PDE7B: variants seen among roughly 807,000 people sequenced by gnomAD.
PDE7B encodes the protein 3',5'-cyclic-AMP phosphodiesterase 7B.
Under a neutral mutation model 56.2 loss-of-function variants are expected in PDE7B, and 29 were observed. The observed-to-expected ratio is 0.52, with a 90% CI of 0.38 to 0.70. The LOEUF (loss-of-function observed/expected upper bound fraction) is 0.70, where lower values mean the gene tolerates loss of function less well. PDE7B is among the 30% of genes least tolerant of loss of function. The pLI is 0.00. For synonymous variants in PDE7B, 197 were observed against 196.9 expected, an observed-to-expected ratio of 1.00 and a Z score of 0.00; for missense variants, 490 against 565.0, an observed-to-expected ratio of 0.87 and a Z score of 1.35.
chr6:135,942,911 A>G (rs1774531076), intron 1 of PDE7B, among the ~76,000 whole-genome samples: 2 of 152,090 alleles, frequency 1.3e-5, no homozygotes, highest in Admixed American at 6.6e-5. Flanking sequence ...TCAACTGTTG[A>G]TGAACACTCA....
intron 6 of PDE7B, among the ~76,000 whole-genome samples, chr6:136,151,689 C>A (rs1027351610): frequency 5.6e-5 from 5 of 89,472 alleles, no homozygotes; most frequent in African/African-American, 1.9e-4. Context: ...TACAGGGAAT[C>A]CTAGCACTTT....
chr6:135,965,944 G>T (rs1464262474), intron 2 of PDE7B, among the ~76,000 whole-genome samples: 1 of 152,050 alleles, frequency 6.6e-6, no homozygotes, highest in East Asian at 1.9e-4. Flanking sequence ...TAAAATACTG[G>T]ATATCTTAGG....
intron 3 of PDE7B, among the ~76,000 whole-genome samples, chr6:136,128,143 G>A (rs1778052382): frequency 6.6e-6 from 1 of 152,124 alleles, no homozygotes; most frequent in African/African-American, 2.4e-5. Flanking sequence ...CTAGGGCCTG[G>A]CATTTTGAGA....
At chr6:136,155,168 G>A (rs868673091) in intron 7 of PDE7B, among the ~76,000 whole-genome samples, 12 of 152,000 alleles carry the variant, frequency 7.9e-5, no homozygotes, top group Admixed American at 2.6e-4. Flanking sequence ...CTTGCAAGTC[G>A]GCCCACTTCT....
chr6:136,112,816 C>A (rs925596698), intron 3 of PDE7B, among the ~76,000 whole-genome samples: 1 of 152,138 alleles, frequency 6.6e-6, no homozygotes, highest in Non-Finnish European at 1.5e-5. Flanking sequence ...AGGGGAAGCA[C>A]ATGTTTGGGG....
intron 8 of PDE7B, among the ~76,000 whole-genome samples, chr6:136,171,641 TTTA>T (rs1400869132): frequency 2.6e-5 from 4 of 152,010 alleles, no homozygotes; most frequent in South Asian, 2.1e-4. Flanking sequence ...TCACTTTTTT[TTTA>T]TTATTATTAT....
chr6:136,080,142 C>G (rs1484071416), intron 2 of PDE7B, among the ~76,000 whole-genome samples: 5 of 152,154 alleles, frequency 3.3e-5, no homozygotes, highest in African/African-American at 9.7e-5. Context: ...ACCCTCTCCC[C>G]CTTTTGGGTT....
intron 8 of PDE7B, among the ~76,000 whole-genome samples, chr6:136,166,169 C>T (rs1778789466): frequency 1.3e-5 from 2 of 152,192 alleles, no homozygotes; most frequent in South Asian, 2.1e-4. Flanking sequence ...ACACTGAACT[C>T]TACACCTGCT....
intron 11 of PDE7B, among the ~76,000 whole-genome samples, chr6:136,185,752 AAG>A (rs756741843): frequency 2.0e-5 from 3 of 151,804 alleles, no homozygotes; most frequent in Non-Finnish European, 4.4e-5. Context: ...GTGACAGAGT[AAG>A]AGCCTGCCTC....
At chr6:135,970,806 CTG>C (rs1042307978) in intron 2 of PDE7B, among the ~76,000 whole-genome samples, 3 of 152,078 alleles carry the variant, frequency 2.0e-5, no homozygotes, top group Non-Finnish European at 4.4e-5. Context: ...CCTAGGGAGA[CTG>C]TAGTGGGGCA....
At chr6:135,974,534 T>C (rs1008384570) in intron 2 of PDE7B, among the ~76,000 whole-genome samples, 2 of 152,118 alleles carry the variant, frequency 1.3e-5, no homozygotes, top group Non-Finnish European at 2.9e-5. Flanking sequence ...GAAAAGAAAG[T>C]AAATGATTTC....
rs1452367706 is a variant in PDE7B, at chr6:136,112,534, A to T, written c.166+3720A>T. ...GAACAAGGTTGCCAATCCTTAACTT[A>T]GATTTTTTTAAACAGATTTAAGAGA... On this transcript the variant is annotated intron_variant, in intron 3 of 12. Coordinates refer to ENST00000308191, the MANE Select transcript of PDE7B (RefSeq NM_018945.4). 2.6e-5 allele frequency: 4 copies of T among 152,272 alleles called. No individual in the cohort carries two copies. The South Asian group carries it at 6.2e-4, about 24-fold the overall frequency. 9.4% of individuals were successfully genotyped at this position (152,272 alleles called of 1,614,324 possible).
chr6:136,188,980 A>G (rs1336768804), intron 12 of PDE7B, among the ~76,000 whole-genome samples: 2 of 152,120 alleles, frequency 1.3e-5, no homozygotes, highest in Non-Finnish European at 2.9e-5. Context: ...GAAAAATCCA[A>G]AGAGATAAAT....
At chr6:135,893,807 A>T (rs1230891506) in intron 1 of PDE7B, among the ~76,000 whole-genome samples, 4 of 152,218 alleles carry the variant, frequency 2.6e-5, no homozygotes, top group Admixed American at 2.6e-4. Flanking sequence ...ATTAATAATG[A>T]CAATATCTTC....
chr6:136,155,786 A>G, intron 8 of PDE7B, 28 bp downstream of exon 8: 1 of 1,612,470 alleles, frequency 6.2e-7, no homozygotes, highest in East Asian at 2.2e-5. Context: ...GGAGCCAGCC[A>G]CAGTATGGTC....
At position 136,193,701 on chromosome 6, in the gene PDE7B, C is replaced by G. The variant is rs1274317530; in HGVS notation, c.*1861C>G. ...CATGCTGATAGAATGACAGCTAGCA[C>G]TTATTTCCTAAGTGCAACTGTTTTA... is the stretch of plus-strand genomic sequence containing the variant. On this transcript the variant is annotated 3_prime_UTR_variant, in exon 13 of 13. Transcript: ENST00000308191. 1 of 152,214 alleles carries G rather than the reference C, an allele frequency of 6.6e-6. No individual in the cohort carries two copies. Among genetic ancestry groups the G allele is most frequent in the Non-Finnish European group, 1.5e-5 (1 of 68,050 alleles). 9.4% of individuals were successfully genotyped at this position (152,214 alleles called of 1,614,324 possible). A position where few individuals can be genotyped will look rare whatever the true frequency, so the allele number is the denominator to read the frequency against.
At chr6:135,884,570 A>C (rs1775668098) in intron 1 of PDE7B, among the ~76,000 whole-genome samples, 1 of 152,152 alleles carries the variant, frequency 6.6e-6, no homozygotes, top group African/African-American at 2.4e-5. Context: ...CATCCTGTAC[A>C]CCAAATCCCA....
intron 2 of PDE7B, among the ~76,000 whole-genome samples, chr6:136,098,858 G>C (rs1485559388): frequency 6.6e-6 from 1 of 151,732 alleles, no homozygotes; most frequent in African/African-American, 2.4e-5. Context: ...CACGTACCAT[G>C]TTGGTTTGCT....
chr6:135,971,527 A>G (rs181433356), intron 2 of PDE7B, among the ~76,000 whole-genome samples: 82 of 152,316 alleles, frequency 5.4e-4, no homozygotes, highest in Non-Finnish European at 3.4e-4. Context: ...AGAGAGCAGC[A>G]TGTGAGCATG....
Sources: allele counts gnomAD v4.1 joint callset (sites outside exome capture counted in the v4.1 genomes callset), GRCh38; gene constraint gnomAD v4.1.1; transcripts MANE v1.5; gene names NCBI Gene and HGNC (gene_info 2026-07-23, HGNC 2026-07-21).